The following FHIT variants were observed in gnomAD, a reference collection of about 807,000 sequenced individuals.
FHIT encodes the protein fragile histidine triad diadenosine triphosphatase.
Under a neutral mutation model 17.9 loss-of-function variants are expected in FHIT, and 19 were observed. The observed-to-expected ratio is 1.06, with a 90% CI of 0.74 to 1.56. The LOEUF (loss-of-function observed/expected upper bound fraction) is 1.56. Ranked by LOEUF, FHIT falls within the 40% of genes most tolerant of loss-of-function variation. FHIT has a pLI of 0.00. For synonymous variants in FHIT, 81 were observed against 69.7 expected, an observed-to-expected ratio of 1.16 and a Z score of -0.81; for missense variants, 248 against 189.2, an observed-to-expected ratio of 1.31 and a Z score of -1.82.
In FHIT at chr3:60,155,944, TCTC is replaced by T. The variant is rs1700669509; in HGVS notation, c.104-141795_104-141793del. Among the ~76,000 whole-genome samples, 5 of 152,304 alleles carry T rather than the reference TCTC, an allele frequency of 3.3e-5. No individual in the cohort carries two copies. In the South Asian group the frequency reaches 6.2e-4, roughly 19 times the overall value. ...ATAAAGCGTGCAAAAGCCACACACT[TCTC>T]CTTCTAAAGTAAATATAGTTTTAAA... On this transcript the variant is annotated intron_variant, in intron 5 of 9. Transcript: ENST00000492590.
rs114247979 is a variant in FHIT at position 60,313,927 on chromosome 3, G to A, written c.103+222933C>T. ...CTTGGCCCAAATGAGGCCAGGCAAGGGTGCAATAATTATCTCTGCTAGAGA... is the reference window on the plus strand; with the variant it reads ...CTTGGCCCAAATGAGGCCAGGCAAGAGTGCAATAATTATCTCTGCTAGAGA... On this transcript the variant is annotated intron_variant, in intron 5 of 9. Coordinates refer to ENST00000492590, the MANE Select transcript of FHIT (RefSeq NM_002012.4). Among the ~76,000 whole-genome samples, 449 of 152,236 alleles carry A rather than the reference G, an allele frequency of 2.9e-3. 4 individuals are homozygous for A. Among genetic ancestry groups the A allele is most frequent in the African/African-American group, 0.01 (429 of 41,552 alleles).
chr3:60,449,713 G>A (rs2031590613), intron 5 of FHIT, among the ~76,000 whole-genome samples: 1 of 151,908 alleles, frequency 6.6e-6, no homozygotes, highest in Non-Finnish European at 1.5e-5. Context: ...TAAAAATATG[G>A]CACAAAAGGT....
intron 3 of FHIT, among the ~76,000 whole-genome samples, chr3:60,987,467 C>T (rs937422970): frequency 6.6e-6 from 1 of 152,182 alleles, no homozygotes; most frequent in Non-Finnish European, 1.5e-5. Context: ...ACTAGCCCAA[C>T]CTATTCCTTT....
intron 5 of FHIT, among the ~76,000 whole-genome samples, chr3:60,195,139 C>A (rs1702569823): frequency 6.6e-6 from 1 of 151,932 alleles, no homozygotes; most frequent in Non-Finnish European, 1.5e-5. Context: ...CCACTCCAGC[C>A]TGGGGGACAA....
At chr3:60,992,133 C>G (rs1310178711) in intron 3 of FHIT, among the ~76,000 whole-genome samples, 2 of 152,160 alleles carry the variant, frequency 1.3e-5, no homozygotes, top group Admixed American at 6.5e-5. Context: ...AGACTACATG[C>G]TGTGTAATTC....
At chr3:59,768,090 C>G (rs1160958613) in intron 8 of FHIT, among the ~76,000 whole-genome samples, 1 of 152,204 alleles carries the variant, frequency 6.6e-6, no homozygotes, top group Non-Finnish European at 1.5e-5. Flanking sequence ...CAGTGTTGCT[C>G]TACTAAAAAG....
At chr3:61,039,457 T>C (rs1575889002) in intron 3 of FHIT, among the ~76,000 whole-genome samples, 1 of 152,184 alleles carries the variant, frequency 6.6e-6, no homozygotes, top group African/African-American at 2.4e-5. Flanking sequence ...TTGCGAGGGA[T>C]TTCCATCAAT....
rs1210777803 is a variant in FHIT, at chr3:60,472,771, G to T, written c.103+64089C>A. Among the ~76,000 whole-genome samples, 3 of 152,240 alleles carry T rather than the reference G, an allele frequency of 2.0e-5. No individual in the cohort carries two copies. The East Asian group carries it at 5.8e-4, about 29-fold the overall frequency. On this transcript the variant is annotated intron_variant, in intron 5 of 9. Transcript: ENST00000492590. ...TTTAATCCTTAAAGAACTTCTGACAGGAGAGAAAAATGACTTGTGTGTCCC... is the reference window on the plus strand; with the variant it reads ...TTTAATCCTTAAAGAACTTCTGACATGAGAGAAAAATGACTTGTGTGTCCC...
At chr3:60,280,346 T>C (rs1707372772) in intron 5 of FHIT, among the ~76,000 whole-genome samples, 1 of 152,170 alleles carries the variant, frequency 6.6e-6, no homozygotes, top group Admixed American at 6.5e-5. Context: ...CCCAAAGATA[T>C]CAGGTCTTAA....
In FHIT at chr3:61,054,160, C is replaced by A. The variant is rs558358180; in HGVS notation, c.-163-12061G>T. ...GGCTCACCTTGTCAAGGCCAGAGAA[C>A]AATCCCAACAGGAAAAACACTTCTT... is the stretch of plus-strand genomic sequence containing the variant. On this transcript the variant is annotated intron_variant, in intron 2 of 9. Transcript: ENST00000492590. Among the ~76,000 whole-genome samples, 5 of 152,256 alleles carry A rather than the reference C, an allele frequency of 3.3e-5. No homozygotes were observed. The East Asian group carries it at 9.7e-4, about 29-fold the overall frequency.
At chr3:60,811,121 C>T (rs1052294522) in intron 4 of FHIT, among the ~76,000 whole-genome samples, 7 of 152,282 alleles carry the variant, frequency 4.6e-5, no homozygotes, top group Middle Eastern at 3.4e-3. Context: ...TTACTGACAA[C>T]ACAGGCATAC....
chr3:60,996,966 T>G (rs1200963712), intron 3 of FHIT, among the ~76,000 whole-genome samples: 1 of 152,224 alleles, frequency 6.6e-6, no homozygotes, highest in Non-Finnish European at 1.5e-5. Flanking sequence ...AAATTTCCAT[T>G]TGAAAAACAA....
intron 4 of FHIT, among the ~76,000 whole-genome samples, chr3:60,560,618 G>T (rs2036902025): frequency 6.6e-6 from 1 of 152,010 alleles, no homozygotes; most frequent in South Asian, 2.1e-4. Context: ...GAAATGGGAA[G>T]AACCAGGCAG....
chr3:60,013,501 G>A (rs1239991692), intron 6 of FHIT, among the ~76,000 whole-genome samples: 5 of 152,108 alleles, frequency 3.3e-5, no homozygotes, highest in African/African-American at 7.2e-5. Context: ...TCAGTGACTG[G>A]GGATCTGATT....
At chr3:61,231,370 T>C (rs992514085) in intron 1 of FHIT, among the ~76,000 whole-genome samples, 1 of 152,046 alleles carries the variant, frequency 6.6e-6, no homozygotes, top group African/African-American at 2.4e-5. Flanking sequence ...GGTGGGCACC[T>C]ATGGTTCCAG....
chr3:60,386,335 C>CGGCA (rs1299795992), intron 5 of FHIT, among the ~76,000 whole-genome samples: 37 of 152,098 alleles, frequency 2.4e-4, no homozygotes, highest in Non-Finnish European at 2.9e-4. Flanking sequence ...ATTACCTTTC[C>CGGCA]GGCAGCACAT....
intron 4 of FHIT, among the ~76,000 whole-genome samples, chr3:60,586,496 A>T (rs2037911697): frequency 6.6e-6 from 1 of 152,042 alleles, no homozygotes; most frequent in Non-Finnish European, 1.5e-5. Context: ...ACTGGATATA[A>T]ACCCAGAGAA....
chr3:60,095,218 A>C (rs1326824568), intron 5 of FHIT, among the ~76,000 whole-genome samples: 1 of 152,198 alleles, frequency 6.6e-6, no homozygotes, highest in African/African-American at 2.4e-5. Flanking sequence ...CCTCGGAGGC[A>C]AAACTTCTAG....
At chr3:60,550,727 C>T (rs75883174) in intron 4 of FHIT, among the ~76,000 whole-genome samples, 1,884 of 152,072 alleles carry the variant, frequency 0.012, 51 homozygotes, top group African/African-American at 0.043. Context: ...AACCTTTCCT[C>T]ATCAAACTCT....
Sources: gnomAD v4.1 joint callset for allele counts (sites outside exome capture counted in the v4.1 genomes callset) on GRCh38, gnomAD v4.1.1 for gene constraint, MANE v1.5 for transcripts, NCBI Gene and HGNC (gene_info 2026-07-23, HGNC 2026-07-21) for gene names.